MOXD1: variants seen among roughly 807,000 people sequenced by gnomAD.
MOXD1 encodes monooxygenase DBH like 1, also known as DBH-like monooxygenase protein 1.
A neutral mutation model predicts 66.6 loss-of-function variants in MOXD1; 62 were observed. That is an observed-to-expected ratio of 0.93 (90% CI 0.76 to 1.15). The LOEUF (loss-of-function observed/expected upper bound fraction) is 1.15, where lower values mean the gene tolerates loss of function less well. Ranked by LOEUF, MOXD1 falls within the 50% of genes most tolerant of loss-of-function variation. The probability of loss-of-function intolerance (pLI) is 0.00; values close to 1 mark genes in which losing one functional copy is unlikely to be tolerated. For synonymous variants in MOXD1, 303 were observed against 281.9 expected, an observed-to-expected ratio of 1.07 and a Z score of -0.75; for missense variants, 847 against 754.6, an observed-to-expected ratio of 1.12 and a Z score of -1.44.
At chr6:132,358,505 T>C (rs1775951072) in intron 4 of MOXD1, among the ~76,000 whole-genome samples, 2 of 152,234 alleles carry the variant, frequency 1.3e-5, no homozygotes, top group Admixed American at 1.3e-4. Flanking sequence ...TGATGAGCAA[T>C]CCATAAATAC....
At chr6:132,299,733 G>A (rs1350608565) in intron 10 of MOXD1, among the ~76,000 whole-genome samples, 1 of 152,076 alleles carries the variant, frequency 6.6e-6, no homozygotes, top group Admixed American at 6.6e-5. Context: ...ATTAATCCAT[G>A]GACCTTGCAG....
At chr6:132,334,721 C>A (rs764821374) in intron 4 of MOXD1, among the ~76,000 whole-genome samples, 1 of 152,150 alleles carries the variant, frequency 6.6e-6, no homozygotes, top group South Asian at 2.1e-4. Context: ...GAGAGGAAAG[C>A]GTTTCTATCC....
intron 4 of MOXD1, among the ~76,000 whole-genome samples, chr6:132,350,993 T>C (rs1018182706): frequency 1.3e-5 from 2 of 152,208 alleles, no homozygotes; most frequent in Non-Finnish European, 2.9e-5. Flanking sequence ...ACCTTAATAT[T>C]GTATCCAGAA....
chr6:132,337,890 A>G (rs186492144), intron 4 of MOXD1, among the ~76,000 whole-genome samples: 9 of 152,314 alleles, frequency 5.9e-5, no homozygotes, highest in Admixed American at 2.0e-4. Context: ...TCTATGGCCA[A>G]CAAGAAGTAG....
At chr6:132,324,752 A>G (rs1476149708) in intron 6 of MOXD1, among the ~76,000 whole-genome samples, 1 of 152,170 alleles carries the variant, frequency 6.6e-6, no homozygotes, top group Non-Finnish European at 1.5e-5. Flanking sequence ...ATGAGCCCCA[A>G]ACATTTCATA....
chr6:132,375,698 G>A (rs1336499765), intron 1 of MOXD1, among the ~76,000 whole-genome samples: 1 of 152,146 alleles, frequency 6.6e-6, no homozygotes, highest in Non-Finnish European at 1.5e-5. Context: ...GGGATTACAG[G>A]TGTGAGCCAC....
At chr6:132,391,154 T>C (rs1776751360) in intron 1 of MOXD1, 1 of 151,244 alleles carries the variant, frequency 6.6e-6, no homozygotes, top group Non-Finnish European at 1.5e-5. Flanking sequence ...AGTAGGAGGT[T>C]TGAGGGGAAT....
At chr6:132,343,010 AGAC>A (rs1466295841) in intron 4 of MOXD1, among the ~76,000 whole-genome samples, 1 of 152,224 alleles carries the variant, frequency 6.6e-6, no homozygotes, top group East Asian at 1.9e-4. Context: ...ACGACAAAGG[AGAC>A]AGAACTATGC....
At chr6:132,326,016 T>C (rs746041248) in intron 6 of MOXD1, among the ~76,000 whole-genome samples, 5 of 152,236 alleles carry the variant, frequency 3.3e-5, no homozygotes, top group Non-Finnish European at 7.3e-5. Context: ...TTTTGTATTT[T>C]ATATTTTTGG....
chr6:132,376,167 A>C (rs929272567), intron 1 of MOXD1, among the ~76,000 whole-genome samples: 5 of 152,194 alleles, frequency 3.3e-5, no homozygotes, highest in Admixed American at 6.5e-5. Flanking sequence ...TATTTTTGAG[A>C]AGTTGTACAG....
intron 8 of MOXD1, among the ~76,000 whole-genome samples, chr6:132,321,048 C>T (rs1464647592): frequency 4.6e-5 from 7 of 152,198 alleles, no homozygotes; most frequent in South Asian, 4.1e-4. Context: ...AGGTGGATCA[C>T]GAGGTCAGGA....
Position 132,377,831 on chromosome 6 carries a change from A to G in MOXD1, c.265-3054T>C, listed in dbSNP as rs555503591. On this transcript the variant is annotated intron_variant, in intron 1 of 11. Coordinates refer to ENST00000367963, the MANE Select transcript of MOXD1 (RefSeq NM_015529.4). ...ACCTAACCACCATGGTAATTCCACT[A>G]TAATTTTTTTCACAGGCTGGGCGCA... is the stretch of plus-strand genomic sequence containing the variant. Among the ~76,000 whole-genome samples the G allele has an allele frequency of 1.3e-3, 202 of 152,262 alleles. 2 individuals are homozygous for G. Among genetic ancestry groups the G allele is most frequent in the African/African-American group, 4.8e-3 (198 of 41,562 alleles).
chr6:132,317,280 C>G (rs1000920599), intron 9 of MOXD1, among the ~76,000 whole-genome samples: 1 of 152,126 alleles, frequency 6.6e-6, no homozygotes, highest in Non-Finnish European at 1.5e-5. Context: ...AATGATTTTA[C>G]TAATTGCAAA....
At chr6:132,354,996 C>T (rs1328900649) in intron 4 of MOXD1, among the ~76,000 whole-genome samples, 2 of 152,146 alleles carry the variant, frequency 1.3e-5, no homozygotes, top group Non-Finnish European at 2.9e-5. Flanking sequence ...TGGTCTCCCT[C>T]CCATCATGCC....
intron 5 of MOXD1, 105 bp from the exon 6 acceptor site, chr6:132,328,220 C>A (rs758533142): frequency 1.0e-4 from 123 of 1,210,848 alleles, no homozygotes; most frequent in Non-Finnish European, 1.3e-4. Context: ...CCTCTGGAAC[C>A]CCATTCATCT....
At chr6:132,340,678 G>C (rs1355460549) in intron 4 of MOXD1, among the ~76,000 whole-genome samples, 2 of 107,506 alleles carry the variant, frequency 1.9e-5, no homozygotes, top group Admixed American at 2.7e-4. Context: ...CCGGAGTCTC[G>C]CTCTGTCACC....
intron 10 of MOXD1, among the ~76,000 whole-genome samples, chr6:132,301,837 A>T (rs1774545118): frequency 6.6e-6 from 1 of 152,160 alleles, no homozygotes; most frequent in African/African-American, 2.4e-5. Flanking sequence ...ACATTGGAAA[A>T]TAGCACAGAA....
Position 132,329,565 on chromosome 6 carries a change from G to C in MOXD1, c.664-971C>G, listed in dbSNP as rs553725075. 2.6e-5 allele frequency among the ~76,000 whole-genome samples: 4 copies of C among 152,066 alleles called. No individual in the cohort carries two copies. The East Asian group carries it at 7.7e-4, about 29-fold the overall frequency. ...CTTTACCCATCCCTACCAGTGGTGA[G>C]AGGTGAGATCTCATTTATCTCTATA... is the stretch of plus-strand genomic sequence containing the variant. On this transcript the variant is annotated intron_variant, in intron 4 of 11. Coordinates refer to ENST00000367963, the MANE Select transcript of MOXD1 (RefSeq NM_015529.4).
chr6:132,321,696 T>C (rs1775081740), intron 8 of MOXD1, among the ~76,000 whole-genome samples: 1 of 152,080 alleles, frequency 6.6e-6, no homozygotes, highest in Non-Finnish European at 1.5e-5. Context: ...GTGCGTCAGT[T>C]AGGAAACTCT....
Sources: gnomAD v4.1 joint callset for allele counts (sites outside exome capture counted in the v4.1 genomes callset) on GRCh38, gnomAD v4.1.1 for gene constraint, MANE v1.5 for transcripts, NCBI Gene and HGNC (gene_info 2026-07-23, HGNC 2026-07-21) for gene names.